NFATC2: variants seen among roughly 807,000 people sequenced by gnomAD.
The protein encoded by NFATC2 is nuclear factor of activated T cells 2.
NFATC2 carries 22 observed loss-of-function variants against 87.3 expected under a neutral mutation model. The observed-to-expected ratio is 0.25, with a 90% confidence interval of 0.18 to 0.36. NFATC2 has a LOEUF of 0.36. Ranked by LOEUF, NFATC2 falls within the 10% of genes least tolerant of loss-of-function variation. NFATC2 has a pLI of 1.00. For missense variants in NFATC2, 1,149 were observed against 1,259.1 expected (o/e 0.91, Z 1.32); for synonymous variants, 565 against 542.2 (o/e 1.04, Z -0.58).
rs397808807 is a variant in NFATC2, at chr20:51,436,409, TAA to T, written c.1850-650_1850-649del. On this transcript the variant is annotated intron_variant, in intron 6 of 10. Transcript: ENST00000371564. The stretch of plus-strand genomic sequence containing the variant: ...TATCTTTCTATTTTTTTTTTTTTTT[TAA>T]AAAGGCATTATTAAGGGCTGGGCAT... Among the ~76,000 whole-genome samples, 681 of 149,600 alleles carry T rather than the reference TAA, an allele frequency of 4.6e-3. 4 individuals are homozygous for T. Among genetic ancestry groups the T allele is most frequent in the Middle Eastern group, 6.8e-3 (2 of 294 alleles).
At chr20:51,471,152 G>A (rs1420501319) in intron 5 of NFATC2, among the ~76,000 whole-genome samples, 1 of 152,158 alleles carries the variant, frequency 6.6e-6, no homozygotes, top group Non-Finnish European at 1.5e-5. Context: ...AGGTACATGT[G>A]GTTAAGCGAT....
intron 3 of NFATC2, among the ~76,000 whole-genome samples, chr20:51,484,714 C>T (rs1324226443): frequency 1.3e-5 from 2 of 152,250 alleles, no homozygotes; most frequent in Non-Finnish European, 2.9e-5. Context: ...GAGCCTTGTC[C>T]TGCTCGGTGT....
intron 3 of NFATC2, among the ~76,000 whole-genome samples, chr20:51,510,077 G>A (rs1056172307): frequency 2.6e-5 from 4 of 152,202 alleles, no homozygotes; most frequent in Non-Finnish European, 2.9e-5. Flanking sequence ...TGAGTGCGAC[G>A]CTTCCACGTT....
chr20:51,396,717 C>T (rs759564618), intron 10 of NFATC2, among the ~76,000 whole-genome samples: 4 of 152,196 alleles, frequency 2.6e-5, no homozygotes, highest in Non-Finnish European at 4.4e-5. Context: ...TCACTACTGA[C>T]TATTTCCTCT....
intron 3 of NFATC2, among the ~76,000 whole-genome samples, chr20:51,485,953 T>C (rs1349619948): frequency 6.6e-6 from 1 of 152,082 alleles, no homozygotes; most frequent in Non-Finnish European, 1.5e-5. Flanking sequence ...GATCTTCAGG[T>C]ACATTTAGAA....
intron 1 of NFATC2, among the ~76,000 whole-genome samples, chr20:51,555,713 A>G (rs769928800): frequency 4.6e-5 from 7 of 152,078 alleles, no homozygotes; most frequent in Non-Finnish European, 7.4e-5. Context: ...TCCCGAGCAC[A>G]TGCCTCTCCT....
At chr20:51,484,550 AG>A (rs1989546445) in intron 3 of NFATC2, among the ~76,000 whole-genome samples, 1 of 152,242 alleles carries the variant, frequency 6.6e-6, no homozygotes, top group Non-Finnish European at 1.5e-5. Context: ...CAAGGCTAGA[AG>A]GAAGAGTCTG....
intron 5 of NFATC2, among the ~76,000 whole-genome samples, chr20:51,459,761 C>T (rs1252205718): frequency 6.6e-5 from 10 of 152,096 alleles, no homozygotes; most frequent in Non-Finnish European, 1.3e-4. Flanking sequence ...TACCTGTAAT[C>T]CCGGCTACTT....
intron 3 of NFATC2, among the ~76,000 whole-genome samples, chr20:51,504,524 C>T (rs2076144571): frequency 1.3e-5 from 2 of 152,226 alleles, no homozygotes; most frequent in African/African-American, 4.8e-5. Flanking sequence ...TAAAGATTTC[C>T]ATTTCTTCAC....
chr20:51,401,994 A>C (rs1022115875), intron 9 of NFATC2, among the ~76,000 whole-genome samples: 1 of 152,258 alleles, frequency 6.6e-6, no homozygotes, highest in Admixed American at 6.5e-5. Context: ...CCCTGCGTGC[A>C]TCTCCGTGGT....
Position 51,523,605 on chromosome 20 carries a change from A to G in NFATC2, c.636T>C (p.Tyr212=). Residue 212 remains tyrosine, a synonymous_variant, in exon 2 of 11, where the codon TAT becomes TAC. Coordinates refer to ENST00000371564, the MANE Select transcript of NFATC2 (RefSeq NM_012340.5). The surrounding 1 kb of genome is among the most constrained non-coding windows in gnomAD (Gnocchi z 6.9). Reference sequence around the variant, plus strand: ...ACATTATTGGCGAGGTTCTGGGGGAATAATGAGCAGGGATGTTTTGAAACT... The same window carrying G: ...ACATTATTGGCGAGGTTCTGGGGGAGTAATGAGCAGGGATGTTTTGAAACT... ...CPQFQNIPAH[Y]SPRTSPIMSP... is the part of the protein sequence containing the mutation. The G allele has an allele frequency of 6.2e-7, 1 of 1,613,866 alleles. No individual in the cohort carries two copies. The highest frequency in any genetic ancestry group is 8.5e-7 in the Non-Finnish European group (1 of 1,179,810).
At chr20:51,505,999 G>C (rs1178467971) in intron 3 of NFATC2, among the ~76,000 whole-genome samples, 1 of 152,172 alleles carries the variant, frequency 6.6e-6, no homozygotes, top group Non-Finnish European at 1.5e-5. Flanking sequence ...CCCTGTTTTG[G>C]CACCTCACCA....
At chr20:51,520,275 A>G (rs1336736151) in intron 2 of NFATC2, among the ~76,000 whole-genome samples, 2 of 152,292 alleles carry the variant, frequency 1.3e-5, no homozygotes, top group African/African-American at 4.8e-5. Context: ...TGGTTTGGAG[A>G]CTGACCTGTC....
Position 51,442,737 on chromosome 20 carries a change from C to T in NFATC2, c.1850-6976G>A, listed in dbSNP as rs1600740159. Among the ~76,000 whole-genome samples the T allele has an allele frequency of 3.4e-5, 5 of 146,242 alleles. No individual in the cohort carries two copies. In the South Asian group the frequency reaches 1.1e-3, roughly 32 times the overall value. ...TTTTTTTTTTCTTAAGAAAAAGGCA[C>T]ATTGCAACTGCCTGTTGACTTTCCT... On this transcript the variant is annotated intron_variant, in intron 6 of 10. Coordinates refer to ENST00000371564, the MANE Select transcript of NFATC2 (RefSeq NM_012340.5).
chr20:51,408,511 T>C (rs6096415), intron 9 of NFATC2, among the ~76,000 whole-genome samples: 35 of 125,258 alleles, frequency 2.8e-4, no homozygotes, highest in African/African-American at 1.0e-3. Context: ...AAGACTCTTT[T>C]TAAAAAAAAA....
At position 51,542,427 on chromosome 20, in the gene NFATC2, G is replaced by C. The variant is rs761811261; in HGVS notation, c.73C>G (p.Gln25Glu). The C allele has an allele frequency of 1.2e-6, 2 of 1,602,668 alleles. No individual in the cohort carries two copies. Among genetic ancestry groups the C allele is most frequent in the African/African-American group, 1.4e-5 (1 of 73,194 alleles). Residue 25 changes from glutamine to glutamate, a missense_variant, in exon 1 of 11, where the codon CAA becomes GAA. This residue lies in a region of NFATC2 where 563 missense variants were observed against 585.2 expected (regional missense o/e 0.96). Transcript: ENST00000371564. ...APGHEPGGSPQDELDFSILFD... is the reference protein window; with the variant it reads ...APGHEPGGSPEDELDFSILFD... ...AGGATGGAGAAGTCAAGCTCGTCTT[G>C]GGGGCTGCCCCCAGGCTCGTGGCCT...
chr20:51,420,431 C>A lies in NFATC2; in HGVS notation c.2722+11636G>T, dbSNP rs570535981. On this transcript the variant is annotated intron_variant, in intron 9 of 10. Coordinates refer to ENST00000371564, the MANE Select transcript of NFATC2 (RefSeq NM_012340.5). The stretch of plus-strand genomic sequence containing the variant: ...TTTTACTGCTAACTTACAGGACATA[C>A]AGAGGAGACAGGAACACACTAAAAA... Among the ~76,000 whole-genome samples the A allele has an allele frequency of 5.3e-5, 8 of 152,240 alleles. No homozygotes were observed. The East Asian group carries it at 1.5e-3, about 29-fold the overall frequency.
intron 9 of NFATC2, among the ~76,000 whole-genome samples, chr20:51,423,726 A>T: frequency 6.6e-6 from 1 of 152,320 alleles, no homozygotes; most frequent in East Asian, 1.9e-4. Flanking sequence ...ATGACACTGG[A>T]TGCTGCCTCT....
intron 10 of NFATC2, among the ~76,000 whole-genome samples, chr20:51,393,408 T>TATATGTATTAG (rs771952750): frequency 6.6e-6 from 1 of 151,742 alleles, no homozygotes; most frequent in African/African-American, 2.4e-5. Flanking sequence ...TAGACCAGTA[T>TATATGTATTAG]ATATGTATTA....
Sources: allele counts gnomAD v4.1 joint callset (sites outside exome capture counted in the v4.1 genomes callset), GRCh38; gene constraint gnomAD v4.1.1; regional missense constraint gnomAD v4.1.1; non-coding constraint Gnocchi (gnomAD v3.1); transcripts MANE v1.5; gene names NCBI Gene and HGNC (gene_info 2026-07-23, HGNC 2026-07-21).